Variants in HECTD2 observed in about 807,000 individuals in gnomAD.
HECTD2 encodes the protein probable E3 ubiquitin-protein ligase HECTD2.
In HECTD2, 35 loss-of-function variants were observed where a neutral mutation model predicts 103.2. That is an observed-to-expected ratio of 0.34 (90% CI 0.26 to 0.45). The LOEUF (loss-of-function observed/expected upper bound fraction) is 0.45, where lower values mean the gene tolerates loss of function less well. Among genes scored for constraint, HECTD2 ranks in the 20% least tolerant of loss-of-function variants. The pLI is 1.00. For missense variants in HECTD2, 596 were observed against 937.4 expected, an observed-to-expected ratio of 0.64 and a Z score of 4.76; for synonymous variants, 281 against 329.9, an observed-to-expected ratio of 0.85 and a Z score of 1.61.
In HECTD2 at chr10:91,410,420, T is replaced by C. The variant is rs1842865255; in HGVS notation, c.-19T>C. 2.2e-6 allele frequency: 3 copies of C among 1,367,658 alleles called. No homozygotes were observed. The highest frequency in any genetic ancestry group is 1.9e-6 in the Non-Finnish European group (2 of 1,063,834). The allele number at this position is 1,367,658 out of a possible 1,614,324, so 84.7% of individuals were successfully genotyped here. The stretch of plus-strand genomic sequence containing the variant: ...TGAGGCCGCCGCCGCCGCCTGGCGC[T>C]CCCGCCGCCCGGCCCGACATGAGTG... On this transcript the variant is annotated 5_prime_UTR_variant, in exon 1 of 21. Coordinates refer to ENST00000298068, the MANE Select transcript of HECTD2 (RefSeq NM_182765.6).
chr10:91,481,331 A>T (rs1314974888), intron 7 of HECTD2, among the ~76,000 whole-genome samples, 192 bp downstream of exon 7: 1 of 151,926 alleles, frequency 6.6e-6, no homozygotes, highest in Non-Finnish European at 1.5e-5. Context: ...GTAAGATTTT[A>T]AAAAGTAAGA....
At chr10:91,461,408 C>A in intron 4 of HECTD2, 52 bp downstream of exon 4, 3 of 892,640 alleles carry the variant, frequency 3.4e-6, no homozygotes, top group South Asian at 1.7e-5. Context: ...TTAAATTTTC[C>A]AAAAATGATA....
At chr10:91,481,052 T>A (rs772878639) in intron 6 of HECTD2, 42 bp from the exon 7 acceptor site, 2 of 1,227,600 alleles carry the variant, frequency 1.6e-6, no homozygotes, top group Admixed American at 2.0e-5. Flanking sequence ...GCTATGAGAT[T>A]AAACATTCAT....
chr10:91,467,642 TC>T (rs1436942511), intron 5 of HECTD2, among the ~76,000 whole-genome samples: 2 of 133,786 alleles, frequency 1.5e-5, no homozygotes, highest in Non-Finnish European at 3.2e-5. Context: ...ACCTGCAACA[TC>T]CCCCCATCAG....
At chr10:91,435,892 C>CT (rs1224337047) in intron 2 of HECTD2, among the ~76,000 whole-genome samples, 1 of 151,794 alleles carries the variant, frequency 6.6e-6, no homozygotes, top group Admixed American at 6.6e-5. Flanking sequence ...TCCTAATTTT[C>CT]TTTTTTACTT....
chr10:91,509,977 G>A (rs1847357219), intron 20 of HECTD2, among the ~76,000 whole-genome samples: 1 of 152,068 alleles, frequency 6.6e-6, no homozygotes, highest in African/African-American at 2.4e-5. Flanking sequence ...CTCACTAGCA[G>A]TTAATGAAGA....
rs575767893 is a variant in HECTD2 at position 91,512,826 on chromosome 10, A to G, written c.*442A>G. 1.2e-5 allele frequency: 2 copies of G among 161,166 alleles called. No homozygotes were observed. Among genetic ancestry groups the G allele is most frequent in the East Asian group, 1.7e-4 (1 of 5,830 alleles). 10.0% of individuals were successfully genotyped at this position (161,166 alleles called of 1,614,324 possible). On this transcript the variant is annotated 3_prime_UTR_variant, in exon 21 of 21. Coordinates refer to ENST00000298068, the MANE Select transcript of HECTD2 (RefSeq NM_182765.6). Reference sequence around the variant, plus strand: ...ATAAGGCATGTAGCCATATTTTCATATAGTGGTATACAACACAGTATCATT... The same window carrying G: ...ATAAGGCATGTAGCCATATTTTCATGTAGTGGTATACAACACAGTATCATT...
chr10:91,461,905 T>A (rs1845365552), intron 4 of HECTD2, among the ~76,000 whole-genome samples, 190 bp from the exon 5 acceptor site: 2 of 152,268 alleles, frequency 1.3e-5, no homozygotes, highest in Admixed American at 6.5e-5. Flanking sequence ...TTCCTTCACT[T>A]TTAAAAAAGA....
intron 15 of HECTD2, among the ~76,000 whole-genome samples, chr10:91,497,455 T>A (rs1846722503): frequency 2.1e-5 from 1 of 46,718 alleles, no homozygotes; most frequent in Non-Finnish European, 3.9e-5. Context: ...CACACCTGGC[T>A]ATTTTTTTTT....
intron 20 of HECTD2, among the ~76,000 whole-genome samples, chr10:91,503,224 C>A (rs11186594): frequency 2.0e-5 from 3 of 152,166 alleles, no homozygotes; most frequent in Non-Finnish European, 2.9e-5. Context: ...CATCTCACAG[C>A]GGTCAGAATG....
At chr10:91,507,076 G>T (rs564152257) in intron 20 of HECTD2, among the ~76,000 whole-genome samples, 7 of 151,990 alleles carry the variant, frequency 4.6e-5, no homozygotes, top group Admixed American at 2.0e-4. Flanking sequence ...ATTCAACAAC[G>T]CTTCATGCTA....
intron 2 of HECTD2, among the ~76,000 whole-genome samples, chr10:91,455,304 C>T (rs1845034990): frequency 6.6e-6 from 1 of 152,182 alleles, no homozygotes; most frequent in Non-Finnish European, 1.5e-5. Context: ...TTTTGATTTG[C>T]ATTTCTCTGA....
At chr10:91,508,334 C>T (rs1466905455) in intron 20 of HECTD2, among the ~76,000 whole-genome samples, 123 of 146,652 alleles carry the variant, frequency 8.4e-4, no homozygotes, top group Non-Finnish European at 1.4e-3. Flanking sequence ...AGTGAACAGG[C>T]AACCTACAAA....
chr10:91,485,395 C>A, intron 10 of HECTD2, 92 bp downstream of exon 10: 2 of 887,098 alleles, frequency 2.3e-6, no homozygotes, highest in Non-Finnish European at 3.4e-6. Flanking sequence ...TTTACACATA[C>A]GTTTACATAT....
At chr10:91,499,227 T>TTG in intron 18 of HECTD2, 77 bp downstream of exon 18, 3 of 760,358 alleles carry the variant, frequency 3.9e-6, no homozygotes, top group Non-Finnish European at 6.4e-6. Context: ...TAATAAATAT[T>TTG]TTAGTAGATA....
chr10:91,434,777 T>G (rs1844045966), intron 2 of HECTD2, among the ~76,000 whole-genome samples: 1 of 152,012 alleles, frequency 6.6e-6, no homozygotes, highest in Non-Finnish European at 1.5e-5. Flanking sequence ...AGGCTGGGTT[T>G]GAATTCTAGC....
upstream of HECTD2, chr10:91,410,287 C>T (rs1200322442): frequency 1.3e-5 from 3 of 225,046 alleles, no homozygotes; most frequent in Non-Finnish European, 2.2e-5. Flanking sequence ...CGCGCAAAGG[C>T]GCGGGCGCGG....
upstream of HECTD2, chr10:91,409,243 A>C (rs972110210): frequency 3.3e-5 from 5 of 152,198 alleles, no homozygotes; most frequent in African/African-American, 1.2e-4. Flanking sequence ...CCGCCGCTCC[A>C]GTAGACTGAG....
chr10:91,433,367 C>T (rs1843976660), intron 2 of HECTD2, among the ~76,000 whole-genome samples: 1 of 151,870 alleles, frequency 6.6e-6, no homozygotes, highest in Admixed American at 6.6e-5. Context: ...GTTTTTTAGG[C>T]AAATGCAAGC....
Sources: gnomAD v4.1 joint callset for allele counts (sites outside exome capture counted in the v4.1 genomes callset) on GRCh38, gnomAD v4.1.1 for gene constraint, MANE v1.5 for transcripts, NCBI Gene and HGNC (gene_info 2026-07-23, HGNC 2026-07-21) for gene names.